The following DLGAP2 variants were observed in gnomAD, a reference collection of about 807,000 sequenced individuals.
DLGAP2 encodes disks large-associated protein 2.
DLGAP2 carries 26 observed loss-of-function variants against 100.3 expected under a neutral mutation model. That is an observed-to-expected ratio of 0.26 (90% CI 0.19 to 0.36). The LOEUF is 0.36. Among genes scored for constraint, DLGAP2 ranks in the 10% least tolerant of loss-of-function variants. The pLI, the probability that DLGAP2 is intolerant of heterozygous loss-of-function variation, is 1.00. For missense variants in DLGAP2, 1,858 were observed against 1,453.2 expected (o/e 1.28, Z -4.53); for synonymous variants, 886 against 630.1 (o/e 1.41, Z -6.08).
chr8:1,303,097 T>A (rs1800397601), intron 3 of DLGAP2, among the ~76,000 whole-genome samples: 1 of 151,848 alleles, frequency 6.6e-6, no homozygotes, highest in Non-Finnish European at 1.5e-5. Context: ...AAAAAGCCAA[T>A]GAATAAAAAG....
chr8:1,219,304 T>C (rs1005092855), intron 2 of DLGAP2, among the ~76,000 whole-genome samples: 1 of 152,192 alleles, frequency 6.6e-6, no homozygotes, highest in African/African-American at 2.4e-5. Context: ...TGATGACTAG[T>C]TTGTGAGGGT....
chr8:1,123,442 T>A (rs527336745), intron 2 of DLGAP2, among the ~76,000 whole-genome samples: 1 of 152,292 alleles, frequency 6.6e-6, no homozygotes, highest in African/African-American at 2.4e-5. Flanking sequence ...GCCCATTGTT[T>A]TCCAGTAAAC....
At chr8:759,259 C>G (rs1257291664) in intron 1 of DLGAP2, among the ~76,000 whole-genome samples, 1 of 149,070 alleles carries the variant, frequency 6.7e-6, no homozygotes, top group Non-Finnish European at 1.5e-5. Flanking sequence ...TCCCTGTTGT[C>G]AATACCCCCC....
intron 2 of DLGAP2, among the ~76,000 whole-genome samples, chr8:973,012 A>G (rs969118104): frequency 1.7e-4 from 26 of 152,340 alleles, no homozygotes; most frequent in African/African-American, 6.3e-4. Context: ...CCCTATGTCT[A>G]CTTCTTTCTA....
intron 3 of DLGAP2, among the ~76,000 whole-genome samples, chr8:1,324,905 C>T (rs559255697): frequency 1.1e-4 from 16 of 152,334 alleles, no homozygotes; most frequent in Non-Finnish European, 1.6e-4. Context: ...CCACAAGCCT[C>T]GTCTTCCAGA....
At chr8:778,359 C>T (rs888693213) in intron 1 of DLGAP2, among the ~76,000 whole-genome samples, 1 of 152,254 alleles carries the variant, frequency 6.6e-6, no homozygotes, top group South Asian at 2.1e-4. Context: ...CAAAGTCATT[C>T]TCCGTCCAGC....
At chr8:1,413,289 TG>T (rs773522345) in intron 3 of DLGAP2, among the ~76,000 whole-genome samples, 1 of 152,120 alleles carries the variant, frequency 6.6e-6, no homozygotes, top group Non-Finnish European at 1.5e-5. Context: ...GATAGAAGGA[TG>T]GGAAGCAGAA....
At chr8:1,185,131 G>C (rs1479254880) in intron 2 of DLGAP2, among the ~76,000 whole-genome samples, 1 of 152,152 alleles carries the variant, frequency 6.6e-6, no homozygotes. Context: ...CCTGGCACTG[G>C]TGGCGACGGC....
At chr8:1,628,894 A>G (rs951114165) in intron 7 of DLGAP2, among the ~76,000 whole-genome samples, 1 of 152,264 alleles carries the variant, frequency 6.6e-6, no homozygotes, top group Non-Finnish European at 1.5e-5. Flanking sequence ...CCCTCCCATT[A>G]TGCAGTTATC....
intron 1 of DLGAP2, among the ~76,000 whole-genome samples, chr8:901,545 C>T (rs927307123): frequency 6.6e-6 from 1 of 152,156 alleles, no homozygotes; most frequent in Non-Finnish European, 1.5e-5. Context: ...AGGAGCGAGA[C>T]GTTAAATGAT....
intron 2 of DLGAP2, among the ~76,000 whole-genome samples, chr8:1,155,601 T>C (rs1796767549): frequency 6.6e-6 from 1 of 152,104 alleles, no homozygotes; most frequent in South Asian, 2.1e-4. Flanking sequence ...GCCCCAGCTC[T>C]CACCACATCT....
chr8:1,490,145 C>T (rs1433416003), intron 3 of DLGAP2, among the ~76,000 whole-genome samples: 2 of 152,166 alleles, frequency 1.3e-5, no homozygotes, highest in African/African-American at 2.4e-5. Context: ...CTGCCTCAGC[C>T]TCCCAAAGTG....
intron 3 of DLGAP2, among the ~76,000 whole-genome samples, chr8:1,312,627 G>A (rs989549555): frequency 3.3e-5 from 5 of 152,146 alleles, no homozygotes; most frequent in Non-Finnish European, 5.9e-5. Context: ...ATTTAATGAC[G>A]CATAATTACA....
chr8:989,882 A>T (rs1800605429), intron 2 of DLGAP2, among the ~76,000 whole-genome samples: 1 of 152,156 alleles, frequency 6.6e-6, no homozygotes, highest in Non-Finnish European at 1.5e-5. Flanking sequence ...AAAAAATTAT[A>T]TGATTTTTCT....
At chr8:1,557,639 G>C (rs773312562) in intron 5 of DLGAP2, among the ~76,000 whole-genome samples, 2 of 152,184 alleles carry the variant, frequency 1.3e-5, no homozygotes, top group Non-Finnish European at 2.9e-5. Flanking sequence ...GCGTGTAAAG[G>C]CACATTCATT....
At chr8:845,534 G>C (rs192393785) in intron 1 of DLGAP2, among the ~76,000 whole-genome samples, 1 of 152,214 alleles carries the variant, frequency 6.6e-6, no homozygotes, top group East Asian at 1.9e-4. Context: ...TGGATAGTGA[G>C]GATTTATGTA....
At chr8:1,544,739 T>TG (rs1426414870) in intron 4 of DLGAP2, among the ~76,000 whole-genome samples, 1 of 151,902 alleles carries the variant, frequency 6.6e-6, no homozygotes, top group Non-Finnish European at 1.5e-5. Context: ...TTGAGGATTT[T>TG]TTTTTTTTTT....
At chr8:1,598,194 T>C (rs538507598) in intron 6 of DLGAP2, among the ~76,000 whole-genome samples, 1 of 152,322 alleles carries the variant, frequency 6.6e-6, no homozygotes, top group African/African-American at 2.4e-5. Context: ...TGAACCAGCC[T>C]TGCATCCCAG....
At chr8:1,102,429 A>G (rs1804616389) in intron 2 of DLGAP2, among the ~76,000 whole-genome samples, 1 of 151,086 alleles carries the variant, frequency 6.6e-6, no homozygotes, top group Admixed American at 6.6e-5. Context: ...TCACTCAGTG[A>G]TTGGCATGCC....
Sources: gnomAD v4.1 joint callset for allele counts (sites outside exome capture counted in the v4.1 genomes callset) on GRCh38, gnomAD v4.1.1 for gene constraint, MANE v1.5 for transcripts, NCBI Gene and HGNC (gene_info 2026-07-23, HGNC 2026-07-21) for gene names.